RANBP17: variants seen among roughly 807,000 people sequenced by gnomAD.
RANBP17 encodes the protein RAN binding protein 17.
Under a neutral mutation model 141.2 loss-of-function variants are expected in RANBP17, and 158 were observed. The observed-to-expected ratio is 1.12, with a 90% confidence interval of 0.98 to 1.28. The LOEUF (loss-of-function observed/expected upper bound fraction) is 1.28, where lower values mean the gene tolerates loss of function less well. Ranked by LOEUF, RANBP17 falls within the 50% of genes most tolerant of loss-of-function variation. The probability of loss-of-function intolerance (pLI) is 0.00; values close to 1 mark genes in which losing one functional copy is unlikely to be tolerated. For synonymous variants in RANBP17, 430 were observed against 450.0 expected (o/e 0.96, Z 0.56); for missense variants, 1,438 against 1,290.7 (o/e 1.11, Z -1.75).
intron 11 of RANBP17, among the ~76,000 whole-genome samples, chr5:170,919,829 T>G (rs1407472542): frequency 6.6e-6 from 1 of 152,052 alleles, no homozygotes; most frequent in Non-Finnish European, 1.5e-5. Context: ...GCCCCTCTCC[T>G]CACCCTCATC....
At chr5:170,948,209 TATCA>T (rs1407110134) in intron 12 of RANBP17, among the ~76,000 whole-genome samples, 2 of 152,100 alleles carry the variant, frequency 1.3e-5, no homozygotes, top group African/African-American at 4.8e-5. Context: ...AAGATGAGTA[TATCA>T]TAGCAAAAGA....
At chr5:170,964,118 T>C (rs539116205) in intron 13 of RANBP17, among the ~76,000 whole-genome samples, 3 of 152,174 alleles carry the variant, frequency 2.0e-5, no homozygotes, top group Non-Finnish European at 2.9e-5. Context: ...GACACTCTTA[T>C]GGAGTGATGG....
rs999988312 is a variant in RANBP17 at position 171,242,665 on chromosome 5, A to G, written c.2638-17A>G. On this transcript the variant is annotated splice_polypyrimidine_tract_variant and intron_variant, in intron 23 of 27. Transcript: ENST00000523189. ...TCTTCTCTGTGGCTTGACATTTAGT[A>G]TATCTCTGTGTTGTAGCAATACCGG... 3 of 1,610,600 alleles carry G rather than the reference A, an allele frequency of 1.9e-6. No homozygotes were observed. Among genetic ancestry groups the G allele is most frequent in the Admixed American group, 1.7e-5 (1 of 59,146 alleles).
chr5:171,209,408 G>A (rs1762750811), intron 20 of RANBP17, among the ~76,000 whole-genome samples: 1 of 152,154 alleles, frequency 6.6e-6, no homozygotes, highest in Non-Finnish European at 1.5e-5. Context: ...TTGTTTTCAA[G>A]AAGAAAGTAA....
Position 171,183,411 on chromosome 5 carries a change from C to T in RANBP17, c.2019C>T (p.Arg673=). ...CAACCTTCTACACAGCGCTCACTCG[C>T]CTTCTGATGGTAGATCTGGGTAAGG... is the stretch of plus-strand genomic sequence containing the variant. ...CRTTFYTALT[R]LLMVDLGEDE... The change falls in exon 18 of 28, where the codon CGC becomes CGT. Residue 673 remains arginine, a synonymous_variant. Transcript: ENST00000523189. 3 of 1,612,696 alleles carry T rather than the reference C, an allele frequency of 1.9e-6. No individual in the cohort carries two copies. The highest frequency in any genetic ancestry group is 1.1e-5 in the South Asian group (1 of 91,038).
chr5:171,131,532 A>T (rs963115429), intron 14 of RANBP17, among the ~76,000 whole-genome samples: 8 of 152,260 alleles, frequency 5.3e-5, no homozygotes, highest in Non-Finnish European at 7.3e-5. Flanking sequence ...TCCATTTATT[A>T]GGCAAGGATT....
In RANBP17 at chr5:171,265,625, C is replaced by A; in HGVS notation, c.2777-56C>A. On this transcript the variant is annotated intron_variant, in intron 24 of 27. Transcript: ENST00000523189. ...ATTTTTAATGGAGCCGTTAGAAAAT[C>A]AAATGGAGCAAAAACTTAAGTAATG... 9 of 1,423,184 alleles carry A rather than the reference C, an allele frequency of 6.3e-6. No individual in the cohort carries two copies. In the South Asian group the frequency reaches 9.8e-5, roughly 16 times the overall value. The allele number at this position is 1,423,184 out of a possible 1,614,324, so 88.2% of individuals were successfully genotyped here.
intron 14 of RANBP17, among the ~76,000 whole-genome samples, chr5:171,161,049 C>A (rs1295423459): frequency 6.6e-6 from 1 of 152,160 alleles, no homozygotes; most frequent in East Asian, 1.9e-4. Context: ...ATCTCGGCCT[C>A]CTAAAGTGCT....
intron 22 of RANBP17, among the ~76,000 whole-genome samples, chr5:171,229,530 G>A (rs1764080945): frequency 6.6e-6 from 1 of 151,744 alleles, no homozygotes; most frequent in African/African-American, 2.4e-5. Flanking sequence ...GAGTAACTGG[G>A]ATTATAGGTG....
intron 14 of RANBP17, among the ~76,000 whole-genome samples, chr5:171,155,078 G>GAAAA (rs145976955): frequency 1.4e-3 from 107 of 74,976 alleles, no homozygotes; most frequent in African/African-American, 5.3e-3. Flanking sequence ...ACTCCATCTA[G>GAAAA]AAAAAAAAAA....
intron 1 of RANBP17, among the ~76,000 whole-genome samples, chr5:170,874,546 A>C (rs559819563): frequency 6.6e-6 from 1 of 151,674 alleles, no homozygotes; most frequent in Non-Finnish European, 1.5e-5. Context: ...AGGATAGCTC[A>C]TTATGTTGAA....
intron 14 of RANBP17, among the ~76,000 whole-genome samples, chr5:171,166,055 A>G (rs568619268): frequency 6.6e-6 from 1 of 152,266 alleles, no homozygotes; most frequent in South Asian, 2.1e-4. Flanking sequence ...TATTCTTTTT[A>G]TTCATTTAAG....
intron 14 of RANBP17, among the ~76,000 whole-genome samples, chr5:171,088,789 C>G (rs190494644): frequency 0.05 from 7,601 of 152,192 alleles, 243 homozygotes; most frequent in East Asian, 0.12. Context: ...TCACGTAGTT[C>G]TCGAGCCTTG....
intron 5 of RANBP17, chr5:170,904,010 A>C (rs1770874205): frequency 2.1e-6 from 1 of 481,692 alleles, no homozygotes. Flanking sequence ...AGATGTTTTC[A>C]AATGCCTTTA....
Position 171,294,029 on chromosome 5 carries a change from G to A in RANBP17, c.3042+48G>A, listed in dbSNP as rs80296803. On this transcript the variant is annotated intron_variant, in intron 26 of 27. Coordinates refer to ENST00000523189, the MANE Select transcript of RANBP17 (RefSeq NM_022897.5). Reference sequence around the variant, plus strand: ...ACGGGAGGTGGTCCCTGGGAGAAGAGAGCAGCTATAAGCTAGGGTGAGCTG... The same window carrying A: ...ACGGGAGGTGGTCCCTGGGAGAAGAAAGCAGCTATAAGCTAGGGTGAGCTG... 7.0e-4 allele frequency: 947 copies of A among 1,360,728 alleles called. 7 individuals are homozygous for A. In the East Asian group the frequency reaches 0.021, roughly 30 times the overall value. The allele number at this position is 1,360,728 out of a possible 1,614,324, so 84.3% of individuals were successfully genotyped here.
In RANBP17 at chr5:171,243,163, C is replaced by A. The variant is rs570603136; in HGVS notation, c.2776+343C>A. 3 of 192,688 alleles carry A rather than the reference C, an allele frequency of 1.6e-5. No homozygotes were observed. The South Asian group carries it at 3.9e-4, about 25-fold the overall frequency. 11.9% of individuals were successfully genotyped at this position (192,688 alleles called of 1,614,324 possible). On this transcript the variant is annotated intron_variant, in intron 24 of 27. Transcript: ENST00000523189. ...ACATTTTTATCACCACAAAAAGCTC[C>A]TTTTTTTCCTCCTTCTAATCAATCC...
chr5:171,128,346 C>G (rs1561682704), intron 14 of RANBP17, among the ~76,000 whole-genome samples: 1 of 151,996 alleles, frequency 6.6e-6, no homozygotes, highest in African/African-American at 2.4e-5. Flanking sequence ...ATCATGTCAT[C>G]GAAGCATCCA....
At chr5:170,968,801 T>G in intron 14 of RANBP17, 2 of 447,712 alleles carry the variant, frequency 4.5e-6, no homozygotes, top group Non-Finnish European at 8.9e-6. Context: ...ACTAGGAAAA[T>G]TAGATGTGTC....
chr5:171,082,872 G>A (rs1785343393), intron 14 of RANBP17, among the ~76,000 whole-genome samples: 1 of 132,376 alleles, frequency 7.6e-6, no homozygotes, highest in Admixed American at 8.2e-5. Context: ...ATGATCAGAT[G>A]TAACCTCTTT....
Sources: allele counts gnomAD v4.1 joint callset (sites outside exome capture counted in the v4.1 genomes callset), GRCh38; gene constraint gnomAD v4.1.1; transcripts MANE v1.5; gene names NCBI Gene and HGNC (gene_info 2026-07-23, HGNC 2026-07-21).